Variants in IQCH observed in about 807,000 individuals in gnomAD.
IQCH encodes IQ motif containing H.
Under a neutral mutation model 117.0 loss-of-function variants are expected in IQCH, and 98 were observed. That is an observed-to-expected ratio of 0.84 (90% CI 0.71 to 0.99). The LOEUF is 0.99. Ranked by LOEUF, IQCH falls within the 50% of genes least tolerant of loss-of-function variation. The pLI is 0.00. For missense variants in IQCH, 1,102 were observed against 1,243.8 expected, an observed-to-expected ratio of 0.89 and a Z score of 1.72; for synonymous variants, 412 against 448.2, an observed-to-expected ratio of 0.92 and a Z score of 1.02.
chr15:67,446,825 T>G (rs1467677377), intron 16 of IQCH, among the ~76,000 whole-genome samples: 2 of 152,216 alleles, frequency 1.3e-5, no homozygotes, highest in Non-Finnish European at 2.9e-5. Flanking sequence ...CTCAAAGTGC[T>G]TTAGAGACAA....
In IQCH at chr15:67,441,924, A is replaced by G. The variant is rs111390758; in HGVS notation, c.2505+20347A>G. 9.7e-3 allele frequency among the ~76,000 whole-genome samples: 1,476 copies of G among 152,302 alleles called. 38 individuals are homozygous for G. Among genetic ancestry groups the G allele is most frequent in the African/African-American group, 0.032 (1,339 of 41,564 alleles). ...AATGAAAGGGCTTTTTTGCACAGCA[A>G]CAGTCAGCAGAGTAAACAGACAACC... On this transcript the variant is annotated intron_variant, in intron 16 of 20. Transcript: ENST00000335894.
intron 16 of IQCH, among the ~76,000 whole-genome samples, chr15:67,441,646 C>T (rs1160846868): frequency 6.6e-6 from 1 of 152,182 alleles, no homozygotes; most frequent in African/African-American, 2.4e-5. Flanking sequence ...AAATGACACC[C>T]TTTTCAACAA....
rs1385944189 is a variant in IQCH at position 67,364,026 on chromosome 15, A to G, written c.753+4141A>G. Among the ~76,000 whole-genome samples the G allele has an allele frequency of 6.6e-6, 1 of 152,190 alleles. No individual in the cohort carries two copies. Among genetic ancestry groups the G allele is most frequent in the Admixed American group, 6.5e-5 (1 of 15,276 alleles). On this transcript the variant is annotated intron_variant, in intron 8 of 20. Transcript: ENST00000335894. This position sits in a 1 kb window ranked among gnomAD's most constrained non-coding sequence, Gnocchi z 4.1. ...GTGCTGCAGTGAACATAACACATGC[A>G]TGTGTCTTTATGGTAGAATGATTTA...
Position 67,467,946 on chromosome 15 carries a change from A to G in IQCH, c.2676+2649A>G, listed in dbSNP as rs1181572259. 6.6e-6 allele frequency among the ~76,000 whole-genome samples: 1 copy of G among 152,220 alleles called. No individual in the cohort carries two copies. Among genetic ancestry groups the G allele is most frequent in the Non-Finnish European group, 1.5e-5 (1 of 68,040 alleles). On this transcript the variant is annotated intron_variant, in intron 17 of 20. Coordinates refer to ENST00000335894, the MANE Select transcript of IQCH (RefSeq NM_001031715.3). This position sits in a 1 kb window ranked among gnomAD's most constrained non-coding sequence, Gnocchi z 5.7. ...GGGCTCTCAGAAGAGCTGTTGTCTC[A>G]TCTCAGAAACAGGTGGGAGAACTGT...
At chr15:67,382,162 A>G (rs763682752) in intron 10 of IQCH, among the ~76,000 whole-genome samples, 8 of 152,206 alleles carry the variant, frequency 5.3e-5, no homozygotes, top group Non-Finnish European at 1.2e-4. Flanking sequence ...GCAAAGAAAT[A>G]TGTAACGACA....
intron 3 of IQCH, among the ~76,000 whole-genome samples, chr15:67,270,898 G>T (rs1965869340): frequency 6.6e-6 from 1 of 152,126 alleles, no homozygotes; most frequent in South Asian, 2.1e-4. Context: ...ATGATCATAT[G>T]GTTTTTTGTT....
rs536898545 is a variant in IQCH, at chr15:67,405,752, A to G, written c.2097+5447A>G. 1.3e-5 allele frequency: 2 copies of G among 152,260 alleles called. No homozygotes were observed. Among genetic ancestry groups the G allele is most frequent in the Non-Finnish European group, 2.9e-5 (2 of 68,068 alleles). 9.4% of individuals were successfully genotyped at this position (152,260 alleles called of 1,614,324 possible). On this transcript the variant is annotated intron_variant, in intron 14 of 20. Coordinates refer to ENST00000335894, the MANE Select transcript of IQCH (RefSeq NM_001031715.3). The surrounding 1 kb of genome is among the most constrained non-coding windows in gnomAD (Gnocchi z 4.8). ...AAAGTCCTGGGAAGTGTTCTCCCTC[A>G]GGTCCTTGCCTTTGTGACTCATACC...
At chr15:67,438,008 G>A (rs1336475684) in intron 16 of IQCH, among the ~76,000 whole-genome samples, 1 of 152,188 alleles carries the variant, frequency 6.6e-6, no homozygotes, top group Non-Finnish European at 1.5e-5. Context: ...CCCCGGCCTT[G>A]TGAGAGACCT....
rs1970577995 is a variant in IQCH, at chr15:67,372,497, G to A, written c.1140G>A (p.Trp380Ter). The A allele has an allele frequency of 6.2e-7, 1 of 1,614,036 alleles. No homozygotes were observed. The highest frequency in any genetic ancestry group is 8.5e-7 in the Non-Finnish European group (1 of 1,179,998). Residue 380 changes from tryptophan to a stop codon, truncating the protein, a stop_gained, in exon 9 of 21, where the codon TGG becomes TGA. Coordinates refer to ENST00000335894, the MANE Select transcript of IQCH (RefSeq NM_001031715.3). LOFTEE classifies it high-confidence loss of function. ...CCGCCATGAAGATCCAAGCCACATGGAAATGCTACAAAGCAAGAAAATTCT... is the reference window on the plus strand; with the variant it reads ...CCGCCATGAAGATCCAAGCCACATGAAAATGCTACAAAGCAAGAAAATTCT... ...SEAAMKIQATWKCYKARKFFL... is the reference protein window; with the variant it reads ...SEAAMKIQAT
intron 6 of IQCH, among the ~76,000 whole-genome samples, chr15:67,354,392 A>G (rs759350126): frequency 3.1e-4 from 47 of 152,322 alleles, no homozygotes; most frequent in Non-Finnish European, 6.5e-4. Flanking sequence ...AATACTATTC[A>G]ACATTAATGA....
rs886598344 is a variant in IQCH at position 67,384,267 on chromosome 15, T to C, written c.1373-669T>C. Among the ~76,000 whole-genome samples, 16 of 152,116 alleles carry C rather than the reference T, an allele frequency of 1.1e-4. No individual in the cohort carries two copies. The highest frequency in any genetic ancestry group is 3.9e-4 in the African/African-American group (16 of 41,430). On this transcript the variant is annotated intron_variant, in intron 10 of 20. Transcript: ENST00000335894. The surrounding 1 kb of genome is among the most constrained non-coding windows in gnomAD (Gnocchi z 4.3). ...ATATCAGCAGAAAGTATTTCCGCTG[T>C]TGTTTCTTTTGTGAGAGATTTTTGG... is the stretch of plus-strand genomic sequence containing the variant.
Position 67,435,343 on chromosome 15 carries a change from A to T in IQCH, c.2505+13766A>T, listed in dbSNP as rs561646552. 7.8e-4 allele frequency among the ~76,000 whole-genome samples: 118 copies of T among 152,168 alleles called. 2 individuals are homozygous for T. Among genetic ancestry groups the T allele is most frequent in the African/African-American group, 2.8e-3 (115 of 41,524 alleles). ...GTAATGCCTGTAATCTTAGCACCTC[A>T]GGAGGCTGAGGTGGGCAGATCACTT... On this transcript the variant is annotated intron_variant, in intron 16 of 20. Coordinates refer to ENST00000335894, the MANE Select transcript of IQCH (RefSeq NM_001031715.3).
rs188062360 is a variant in IQCH, at chr15:67,346,318, C to A, written c.637+2127C>A. On this transcript the variant is annotated intron_variant, in intron 6 of 20. Transcript: ENST00000335894. ...TAATCAATAGAACTAGTAACCCCCC[C>A]CCAAAAAAATACTATAGAACAGTGG... is the stretch of plus-strand genomic sequence containing the variant. 5.0e-3 allele frequency among the ~76,000 whole-genome samples: 759 copies of A among 151,968 alleles called. 8 individuals carry two copies. Among genetic ancestry groups the A allele is most frequent in the African/African-American group, 0.018 (727 of 41,386 alleles).
rs1971752572 is a variant in IQCH, at chr15:67,403,444, G to A, written c.2097+3139G>A. ...CAGAATGTTACATGATGGCCAAAAT[G>A]AAAACAGAACACACTCTATCATTTT... On this transcript the variant is annotated intron_variant, in intron 14 of 20. Coordinates refer to ENST00000335894, the MANE Select transcript of IQCH (RefSeq NM_001031715.3). This position sits in a 1 kb window ranked among gnomAD's most constrained non-coding sequence, Gnocchi z 4.8. Among the ~76,000 whole-genome samples the A allele has an allele frequency of 6.6e-6, 1 of 152,018 alleles. No homozygotes were observed. The highest frequency in any genetic ancestry group is 2.4e-5 in the African/African-American group (1 of 41,406).
intron 5 of IQCH, among the ~76,000 whole-genome samples, chr15:67,343,184 A>G (rs973924964): frequency 1.3e-5 from 2 of 152,194 alleles, no homozygotes; most frequent in Non-Finnish European, 2.9e-5. Context: ...AAATTCTTCA[A>G]CTTAGGCCAA....
intron 13 of IQCH, among the ~76,000 whole-genome samples, chr15:67,398,785 T>A (rs1971548182): frequency 6.6e-6 from 1 of 151,688 alleles, no homozygotes; most frequent in East Asian, 1.9e-4. Flanking sequence ...GATAAGAGTG[T>A]CACAGAATCC....
rs143976541 is a variant in IQCH at position 67,445,717 on chromosome 15, G to A, written c.2506-19410G>A. Among the ~76,000 whole-genome samples the A allele has an allele frequency of 3.3e-5, 5 of 152,294 alleles. No individual in the cohort carries two copies. In the East Asian group the frequency reaches 7.7e-4, roughly 23 times the overall value. ...CTCCCAAAGTGCTGGGATAACAGGC[G>A]TGAGCCACCGCACCTGGCCTGTTTT... On this transcript the variant is annotated intron_variant, in intron 16 of 20. Transcript: ENST00000335894. The surrounding 1 kb of genome is among the most constrained non-coding windows in gnomAD (Gnocchi z 4.3).
chr15:67,312,943 T>G (rs1394811714), intron 4 of IQCH, among the ~76,000 whole-genome samples: 10 of 152,118 alleles, frequency 6.6e-5, no homozygotes, highest in Admixed American at 1.3e-4. Flanking sequence ...TTTTAAAACC[T>G]CCTTGGTAGA....
intron 16 of IQCH, among the ~76,000 whole-genome samples, chr15:67,423,601 AAAG>A (rs975973760): frequency 6.6e-6 from 1 of 150,700 alleles, no homozygotes; most frequent in Non-Finnish European, 1.5e-5. Context: ...AAAAAAAAAA[AAAG>A]AAAGAAAAGA....
Sources: allele counts gnomAD v4.1 joint callset (sites outside exome capture counted in the v4.1 genomes callset), GRCh38; gene constraint gnomAD v4.1.1; non-coding constraint Gnocchi (gnomAD v3.1); transcripts MANE v1.5; gene names NCBI Gene and HGNC (gene_info 2026-07-23, HGNC 2026-07-21).